Variants in FBXL7 observed in about 807,000 individuals in gnomAD.
The protein encoded by FBXL7 is F-box and leucine rich repeat protein 7, also known as F-box/LRR-repeat protein 7.
A neutral mutation model predicts 38.3 loss-of-function variants in FBXL7; 12 were observed. The ratio of observed to expected loss-of-function variants is 0.31; its 90% CI spans 0.20 to 0.51. FBXL7 has a LOEUF of 0.51. FBXL7 is among the 20% of genes least tolerant of loss of function. The pLI, the probability that FBXL7 is intolerant of heterozygous loss-of-function variation, is 0.98. For synonymous variants in FBXL7, 297 were observed against 300.9 expected (o/e 0.99, Z 0.13); for missense variants, 567 against 676.4 (o/e 0.84, Z 1.79).
At chr5:15,741,899 A>T (rs1453892373) in intron 2 of FBXL7, among the ~76,000 whole-genome samples, 1 of 152,182 alleles carries the variant, frequency 6.6e-6, no homozygotes, top group African/African-American at 2.4e-5. Context: ...TGGTCAGGCC[A>T]GGAGACAGTT....
chr5:15,741,603 GA>G (rs1304496812), intron 2 of FBXL7, among the ~76,000 whole-genome samples: 1 of 152,084 alleles, frequency 6.6e-6, no homozygotes, highest in East Asian at 1.9e-4. Flanking sequence ...TATAAAAAAA[GA>G]GTTAAAAATT....
rs183199782 is a variant in FBXL7, at chr5:15,710,949, C to T, written c.127+94877C>T. 3.9e-5 allele frequency among the ~76,000 whole-genome samples: 6 copies of T among 152,254 alleles called. No homozygotes were observed. In the East Asian group the frequency reaches 1.2e-3, roughly 29 times the overall value. ...ATTCCCACGTTGTCATGGGAGGAAC[C>T]TGGTGGAAGATAATTGAATTATGGG... On this transcript the variant is annotated intron_variant, in intron 2 of 3. Transcript: ENST00000504595.
At chr5:15,567,749 A>C (rs1580375385) in intron 1 of FBXL7, among the ~76,000 whole-genome samples, 4 of 145,098 alleles carry the variant, frequency 2.8e-5, no homozygotes, top group South Asian at 2.2e-4. Flanking sequence ...CTCCCCCCTC[A>C]CCCCACCCCA....
chr5:15,570,869 G>T (rs1738755932), intron 1 of FBXL7, among the ~76,000 whole-genome samples: 1 of 152,160 alleles, frequency 6.6e-6, no homozygotes, highest in African/African-American at 2.4e-5. Flanking sequence ...AGGGCAGGCA[G>T]ATCACCTGAG....
rs1425090890 is a variant in FBXL7 at position 15,928,704 on chromosome 5, G to A, written c.739+203G>A. Among the ~76,000 whole-genome samples, 1 of 152,010 alleles carries A rather than the reference G, an allele frequency of 6.6e-6. No individual in the cohort carries two copies. The highest frequency in any genetic ancestry group is 1.5e-5 in the Non-Finnish European group (1 of 68,006). On this transcript the variant is annotated intron_variant, in intron 3 of 3. Transcript: ENST00000504595. The surrounding 1 kb of genome is among the most constrained non-coding windows in gnomAD (Gnocchi z 4.0). ...ACAAGTTTCCCTTTCATCAAATAATGTCCACTTCTTTTTTTTTTATTATTA... is the reference window on the plus strand; with the variant it reads ...ACAAGTTTCCCTTTCATCAAATAATATCCACTTCTTTTTTTTTTATTATTA...
chr5:15,552,734 C>T (rs372354952), intron 1 of FBXL7, among the ~76,000 whole-genome samples: 2 of 152,134 alleles, frequency 1.3e-5, no homozygotes, highest in Non-Finnish European at 2.9e-5. Context: ...CTGACTGTGA[C>T]GTCTTTTTAT....
intron 2 of FBXL7, among the ~76,000 whole-genome samples, chr5:15,803,114 G>C (rs1314565610): frequency 1.3e-5 from 2 of 152,158 alleles, no homozygotes; most frequent in Non-Finnish European, 2.9e-5. Context: ...ATAACCCATA[G>C]TAACAGTTGC....
chr5:15,744,322 G>A lies in FBXL7; in HGVS notation c.127+128250G>A, dbSNP rs147329583. On this transcript the variant is annotated intron_variant, in intron 2 of 3. Coordinates refer to ENST00000504595, the MANE Select transcript of FBXL7 (RefSeq NM_012304.5). ...CTAAATCATCTGTCTCAAGTTCAAA[G>A]TTCCACAGATCTCTGGAGCAGGGAC... Among the ~76,000 whole-genome samples the A allele has an allele frequency of 5.1e-3, 772 of 152,274 alleles. 4 individuals carry two copies. Among genetic ancestry groups the A allele is most frequent in the African/African-American group, 0.018 (736 of 41,526 alleles).
chr5:15,729,956 A>G (rs1006966641), intron 2 of FBXL7, among the ~76,000 whole-genome samples: 1 of 152,168 alleles, frequency 6.6e-6, no homozygotes, highest in Non-Finnish European at 1.5e-5. Context: ...TCTTTACTGT[A>G]TGCAGTCCTA....
intron 1 of FBXL7, among the ~76,000 whole-genome samples, chr5:15,581,198 G>T (rs1427454307): frequency 6.6e-6 from 1 of 152,092 alleles, no homozygotes; most frequent in African/African-American, 2.4e-5. Context: ...CATTTTTAAT[G>T]ATCAGATCAG....
At chr5:15,889,088 G>A (rs148771173) in intron 2 of FBXL7, among the ~76,000 whole-genome samples, 3 of 152,226 alleles carry the variant, frequency 2.0e-5, no homozygotes, top group African/African-American at 4.8e-5. Context: ...GCAGAAAAAA[G>A]TGGGGCGGGG....
At chr5:15,604,355 T>C (rs1050350480) in intron 1 of FBXL7, among the ~76,000 whole-genome samples, 2 of 152,132 alleles carry the variant, frequency 1.3e-5, no homozygotes, top group Non-Finnish European at 2.9e-5. Context: ...ATAACTTTTA[T>C]TTTATTTTAT....
At chr5:15,868,081 C>T (rs1215421282) in intron 2 of FBXL7, among the ~76,000 whole-genome samples, 13 of 137,626 alleles carry the variant, frequency 9.4e-5, no homozygotes, top group Middle Eastern at 4.0e-3. Context: ...TCCAGCGTGG[C>T]GACAGAGCAA....
chr5:15,730,249 T>G (rs1735546979), intron 2 of FBXL7, among the ~76,000 whole-genome samples: 1 of 152,202 alleles, frequency 6.6e-6, no homozygotes, highest in Admixed American at 6.5e-5. Flanking sequence ...TCGTGTATTT[T>G]TCTCTTGCAC....
At position 15,506,267 on chromosome 5, in the gene FBXL7, C is replaced by A. The variant is rs73751953; in HGVS notation, c.37+5554C>A. 7.7e-3 allele frequency among the ~76,000 whole-genome samples: 1,171 copies of A among 151,888 alleles called. 11 individuals carry two copies. Among genetic ancestry groups the A allele is most frequent in the African/African-American group, 0.026 (1,080 of 41,400 alleles). On this transcript the variant is annotated intron_variant, in intron 1 of 3. Coordinates refer to ENST00000504595, the MANE Select transcript of FBXL7 (RefSeq NM_012304.5). Reference sequence around the variant, plus strand: ...CTTAGACACAAGCACTGCAATCCCTCCACAGTCAATTCGATCACCGAGATG... The same window carrying A: ...CTTAGACACAAGCACTGCAATCCCTACACAGTCAATTCGATCACCGAGATG...
chr5:15,736,188 A>G (rs1735743343), intron 2 of FBXL7, among the ~76,000 whole-genome samples: 1 of 152,192 alleles, frequency 6.6e-6, no homozygotes, highest in Non-Finnish European at 1.5e-5. Flanking sequence ...CTTGAGCTCT[A>G]AAGCTTAACT....
intron 2 of FBXL7, among the ~76,000 whole-genome samples, chr5:15,850,763 T>C (rs2126793880): frequency 6.6e-6 from 1 of 152,366 alleles, no homozygotes; most frequent in East Asian, 1.9e-4. Flanking sequence ...ATGTCACTTT[T>C]TGTTCCAGAG....
chr5:15,830,631 G>C (rs257739), intron 2 of FBXL7, among the ~76,000 whole-genome samples: 86,158 of 151,930 alleles, frequency 0.57, 24,974 homozygotes, highest in Non-Finnish European at 0.63. Flanking sequence ...AACCTCAGGC[G>C]CCACCAGACT....
intron 1 of FBXL7, among the ~76,000 whole-genome samples, chr5:15,504,551 T>G (rs1320999399): frequency 6.6e-6 from 1 of 152,236 alleles, no homozygotes; most frequent in Non-Finnish European, 1.5e-5. Context: ...TAGTGAATAT[T>G]CAGGTTATTG....
Sources: gnomAD v4.1 joint callset for allele counts (sites outside exome capture counted in the v4.1 genomes callset) on GRCh38, gnomAD v4.1.1 for gene constraint, Gnocchi (gnomAD v3.1) non-coding constraint, MANE v1.5 for transcripts, NCBI Gene and HGNC (gene_info 2026-07-23, HGNC 2026-07-21) for gene names.